CCDC18: variants seen among roughly 807,000 people sequenced by gnomAD.
The protein encoded by CCDC18 is coiled-coil domain containing 18, also known as coiled-coil domain-containing protein 18.
CCDC18 carries 157 observed loss-of-function variants against 196.0 expected under a neutral mutation model. The observed-to-expected ratio is 0.80, with a 90% CI of 0.70 to 0.91. The LOEUF (loss-of-function observed/expected upper bound fraction) is 0.91, where lower values mean the gene tolerates loss of function less well. CCDC18 is among the 40% of genes least tolerant of loss of function. CCDC18 has a pLI of 0.00. For missense variants in CCDC18, 1,465 were observed against 1,611.6 expected (o/e 0.91, Z 1.56); for synonymous variants, 482 against 529.2 (o/e 0.91, Z 1.22).
rs1422334433 is a variant in CCDC18, at chr1:93,256,413, C to T, written c.3421C>T (p.Arg1141Trp). The T allele has an allele frequency of 1.2e-5, 19 of 1,613,880 alleles. No homozygotes were observed. Among genetic ancestry groups the T allele is most frequent in the Admixed American group, 1.2e-4 (7 of 59,984 alleles). Residue 1141 changes from arginine to tryptophan, a missense_variant, in exon 25 of 29, where the codon CGG becomes TGG. Arg to Trp is a moderately radical substitution (Grantham distance 101, BLOSUM62 -3). Coordinates refer to ENST00000690025, the MANE Select transcript of CCDC18 (RefSeq NM_001378204.1). ...TTTGGGGCAAGAATTGAGGCTGACC[C>T]GGGAGCAGGTGCAGAACTCTCATAC... ...IDLGQELRLT[R>W]EQVQNSHTEL...
chr1:93,263,083 T>C (rs1455034788), intron 26 of CCDC18, among the ~76,000 whole-genome samples: 1 of 152,084 alleles, frequency 6.6e-6, no homozygotes, highest in African/African-American at 2.4e-5. Flanking sequence ...TCACCCCGTC[T>C]TGAGGCTGCA....
At chr1:93,246,329 G>T in intron 22 of CCDC18, 125 bp downstream of exon 22, 2 of 548,066 alleles carry the variant, frequency 3.6e-6, no homozygotes, top group Non-Finnish European at 3.3e-6. Context: ...CTGCACATAG[G>T]GTTTACTAAA....
Position 93,193,704 on chromosome 1 carries a change from T to TTG in CCDC18, c.659_660insGT (p.Lys221Ter). ...GGAGTCCAAAGAGGAATGTATAAAA[T>TTG]TAAAGGTGGACTTACTTGAACAAAC... is the stretch of plus-strand genomic sequence containing the variant. On this transcript the variant is annotated frameshift_variant, in exon 6 of 29. Coordinates refer to ENST00000690025, the MANE Select transcript of CCDC18 (RefSeq NM_001378204.1). LOFTEE classifies it high-confidence loss of function. 2 of 1,586,346 alleles carry TTG rather than the reference T, an allele frequency of 1.3e-6. No homozygotes were observed. The highest frequency in any genetic ancestry group is 1.7e-6 in the Non-Finnish European group (2 of 1,170,048).
At chr1:93,251,362 A>G (rs1177287146) in intron 23 of CCDC18, among the ~76,000 whole-genome samples, 2 of 152,206 alleles carry the variant, frequency 1.3e-5, no homozygotes, top group African/African-American at 4.8e-5. Flanking sequence ...TACTAAAGAT[A>G]TAAGTGGTTT....
At chr1:93,199,407 G>A (rs1421937154) in intron 6 of CCDC18, among the ~76,000 whole-genome samples, 3 of 152,220 alleles carry the variant, frequency 2.0e-5, no homozygotes, top group African/African-American at 7.2e-5. Context: ...AGCAGCTTCT[G>A]TGGCTGACAC....
chr1:93,261,469 A>AC (rs1427925874), intron 26 of CCDC18, among the ~76,000 whole-genome samples: 1 of 152,212 alleles, frequency 6.6e-6, no homozygotes, highest in Non-Finnish European at 1.5e-5. Flanking sequence ...TATAGTAATT[A>AC]CATGAGGGTA....
chr1:93,270,896 T>G lies in CCDC18; in HGVS notation c.4353+82T>G. 11 of 1,387,440 alleles carry G rather than the reference T, an allele frequency of 7.9e-6. No individual in the cohort carries two copies. The East Asian group carries it at 2.8e-4, about 35-fold the overall frequency. 85.9% of individuals were successfully genotyped at this position (1,387,440 alleles called of 1,614,324 possible). ...ATTACTTGGAAGAAAATTCATATATTTAAATGAAAAACTACTAATATTTGA... is the reference window on the plus strand; with the variant it reads ...ATTACTTGGAAGAAAATTCATATATGTAAATGAAAAACTACTAATATTTGA... On this transcript the variant is annotated intron_variant, in intron 28 of 28. Transcript: ENST00000690025.
chr1:93,201,921 A>C lies in CCDC18; in HGVS notation c.728A>C (p.Tyr243Ser). The stretch of plus-strand genomic sequence containing the variant: ...GAACGACAAAGGAATGAAGCACTAT[A>C]TAATGCCGAAGAGCTGAGTAAAGCT... ...RAERQRNEAL[Y>S]NAEELSKAFQ... The change falls in exon 7 of 29, where the codon TAT (tyrosine) becomes TCT (serine). Residue 243 changes from tyrosine to serine, a missense_variant. Transcript: ENST00000690025. The C allele has an allele frequency of 6.2e-7, 1 of 1,606,874 alleles. No homozygotes were observed. The highest frequency in any genetic ancestry group is 8.5e-7 in the Non-Finnish European group (1 of 1,177,180).
At chr1:93,195,628 A>G (rs1182076016) in intron 6 of CCDC18, among the ~76,000 whole-genome samples, 1 of 152,182 alleles carries the variant, frequency 6.6e-6, no homozygotes, top group African/African-American at 2.4e-5. Flanking sequence ...TAATGCCATT[A>G]TAAGAGGGCT....
rs2101541829 is a variant in CCDC18, at chr1:93,270,770, C to G, written c.4309C>G (p.Leu1437Val). 1 of 1,545,986 alleles carries G rather than the reference C, an allele frequency of 6.5e-7. No homozygotes were observed. The highest frequency in any genetic ancestry group is 2.4e-5 in the East Asian group (1 of 40,850). The change falls in exon 28 of 29, where the codon CTA becomes GTA. Residue 1437 changes from leucine to valine, a missense_variant. By Grantham distance (32) the Leu-to-Val change is conservative (BLOSUM62 1). Transcript: ENST00000690025. ...AAGATACATAAACAAAGAAGTAAGA[C>G]TATTAAAAAAGTCTTCTATGCAAAC... ...MLRYINKEVR[L>V]LKKSSMQTGA... is the part of the protein sequence containing the mutation.
intron 17 of CCDC18, among the ~76,000 whole-genome samples, chr1:93,231,996 A>G (rs1334783739): frequency 6.6e-6 from 1 of 152,182 alleles, no homozygotes; most frequent in Non-Finnish European, 1.5e-5. Context: ...GCTCCTTTTT[A>G]TAGCAGTAAA....
At chr1:93,212,943 TTCCATCTGGGG>T (rs772139366) in intron 11 of CCDC18, among the ~76,000 whole-genome samples, 8 of 152,156 alleles carry the variant, frequency 5.3e-5, no homozygotes, top group Non-Finnish European at 1.2e-4. Context: ...AACTAGAAGG[TTCCATCTGGGG>T]GTCATGGCAG....
intron 9 of CCDC18, 142 bp downstream of exon 9, chr1:93,207,540 C>T (rs1158112967): frequency 2.1e-5 from 13 of 632,248 alleles, no homozygotes; most frequent in Non-Finnish European, 3.3e-5. Flanking sequence ...CTGTCTAAAT[C>T]TCTATTTTTT....
chr1:93,188,044 G>A (rs749755475), intron 4 of CCDC18, among the ~76,000 whole-genome samples: 6 of 152,030 alleles, frequency 3.9e-5, no homozygotes, highest in Non-Finnish European at 8.8e-5. Context: ...TAATAACTAC[G>A]AACTAATAGC....
rs1444475188 is a variant in CCDC18, at chr1:93,270,402, A to G, written c.3941A>G (p.Asp1314Gly). The G allele has an allele frequency of 6.5e-7, 1 of 1,550,330 alleles. No homozygotes were observed. The highest frequency in any genetic ancestry group is 1.2e-5 in the South Asian group (1 of 84,054). ...AKISGHEKAE[D>G]IKFLPAPFTS... Reference sequence around the variant, plus strand: ...ATTTCTGGACATGAAAAGGCAGAAGACATCAAGTTTCTGCCAGCCCCATTT... The same window carrying G: ...ATTTCTGGACATGAAAAGGCAGAAGGCATCAAGTTTCTGCCAGCCCCATTT... The change falls in exon 28 of 29, where the codon GAC becomes GGC. Residue 1314 changes from aspartate to glycine, a missense_variant. Coordinates refer to ENST00000690025, the MANE Select transcript of CCDC18 (RefSeq NM_001378204.1).
intron 6 of CCDC18, among the ~76,000 whole-genome samples, chr1:93,196,301 G>A (rs1022628057): frequency 3.3e-5 from 5 of 152,160 alleles, no homozygotes; most frequent in African/African-American, 1.2e-4. Context: ...TCCAGCCTGA[G>A]TGACAGAGGA....
chr1:93,183,703 A>G (rs1650138767), intron 2 of CCDC18, among the ~76,000 whole-genome samples: 1 of 152,086 alleles, frequency 6.6e-6, no homozygotes, highest in African/African-American at 2.4e-5. Flanking sequence ...TCAGTGTATT[A>G]GAACTCAGTA....
At chr1:93,189,211 G>A (rs921021041) in intron 4 of CCDC18, among the ~76,000 whole-genome samples, 10 of 152,084 alleles carry the variant, frequency 6.6e-5, no homozygotes, top group African/African-American at 2.4e-4. Flanking sequence ...CCACAAATAA[G>A]TAAGAACATG....
intron 6 of CCDC18, among the ~76,000 whole-genome samples, chr1:93,201,658 G>A (rs1045914106): frequency 1.5e-4 from 21 of 138,546 alleles, no homozygotes; most frequent in African/African-American, 1.6e-4. Context: ...TATATATTTC[G>A]ACATTTATGT....
Sources: allele counts gnomAD v4.1 joint callset (sites outside exome capture counted in the v4.1 genomes callset), GRCh38; gene constraint gnomAD v4.1.1; transcripts MANE v1.5; gene names NCBI Gene and HGNC (gene_info 2026-07-23, HGNC 2026-07-21).